Variants in CPNE4 observed in about 807,000 individuals in gnomAD.
CPNE4 encodes the protein copine-4.
Under a neutral mutation model 67.9 loss-of-function variants are expected in CPNE4, and 25 were observed. The observed-to-expected ratio is 0.37, with a 90% CI of 0.27 to 0.51. CPNE4 has a LOEUF of 0.51. Ranked by LOEUF, CPNE4 falls within the 20% of genes least tolerant of loss-of-function variation. The probability of loss-of-function intolerance (pLI) is 0.93; values close to 1 mark genes in which losing one functional copy is unlikely to be tolerated. For missense variants in CPNE4, 464 were observed against 690.8 expected (o/e 0.67, Z 3.68); for synonymous variants, 242 against 244.9 (o/e 0.99, Z 0.11).
At chr3:131,765,217 C>T (rs1435322177) in intron 2 of CPNE4, among the ~76,000 whole-genome samples, 1 of 152,098 alleles carries the variant, frequency 6.6e-6, no homozygotes, top group Non-Finnish European at 1.5e-5. Context: ...CTCTCTTCTT[C>T]CTGGGAACTG....
chr3:131,800,785 G>A (rs1213129826), intron 2 of CPNE4, among the ~76,000 whole-genome samples: 1 of 152,154 alleles, frequency 6.6e-6, no homozygotes, highest in Admixed American at 6.6e-5. Flanking sequence ...TACTCCTTGG[G>A]ACCTACTTTG....
rs78521487 is a variant in CPNE4, at chr3:131,720,642, G to A, written c.360+2804C>T. Among the ~76,000 whole-genome samples the A allele has an allele frequency of 3.9e-3, 596 of 152,278 alleles. 4 individuals carry two copies. Among genetic ancestry groups the A allele is most frequent in the African/African-American group, 0.014 (563 of 41,556 alleles). Reference sequence around the variant, plus strand: ...ATACACAAAGTGTATAAATGTCCCAGTTCCCTCATCCACAGGATGAAATAT... The same window carrying A: ...ATACACAAAGTGTATAAATGTCCCAATTCCCTCATCCACAGGATGAAATAT... On this transcript the variant is annotated intron_variant, in intron 3 of 15. Coordinates refer to ENST00000429747, the MANE Select transcript of CPNE4 (RefSeq NM_130808.3).
chr3:131,616,795 A>G (rs1940181402), intron 7 of CPNE4, among the ~76,000 whole-genome samples: 1 of 152,234 alleles, frequency 6.6e-6, no homozygotes. Context: ...GACAGAACAT[A>G]AAAGAAAAAG....
chr3:132,001,599 GAAA>G (rs1489892783), intron 1 of CPNE4, among the ~76,000 whole-genome samples: 12 of 149,468 alleles, frequency 8.0e-5, no homozygotes, highest in Non-Finnish European at 1.5e-4. Flanking sequence ...AAGAAAGAAA[GAAA>G]GAAAGAAAGA....
chr3:131,554,725 G>A (rs1024390748), intron 12 of CPNE4, among the ~76,000 whole-genome samples: 3 of 152,046 alleles, frequency 2.0e-5, no homozygotes, highest in Non-Finnish European at 4.4e-5. Context: ...GCCAGTAAAA[G>A]AGAAATTGAG....
intron 2 of CPNE4, 111 bp downstream of exon 2, chr3:131,905,153 T>C: frequency 2.2e-6 from 2 of 927,828 alleles, no homozygotes; most frequent in Non-Finnish European, 3.3e-6. Context: ...CATATTCACT[T>C]CTCAAATTTC....
chr3:131,917,103 A>T (rs1210038519), intron 1 of CPNE4, among the ~76,000 whole-genome samples: 1 of 152,224 alleles, frequency 6.6e-6, no homozygotes, highest in Non-Finnish European at 1.5e-5. Context: ...CAATGTCTGC[A>T]ATCCACATGC....
At chr3:131,817,816 G>A (rs1230950185) in intron 2 of CPNE4, among the ~76,000 whole-genome samples, 1 of 152,180 alleles carries the variant, frequency 6.6e-6, no homozygotes, top group Non-Finnish European at 1.5e-5. Context: ...ATACAGAAAA[G>A]TCTTGTCCTA....
intron 1 of CPNE4, among the ~76,000 whole-genome samples, chr3:131,932,060 A>T (rs930795149): frequency 6.6e-6 from 1 of 152,316 alleles, no homozygotes; most frequent in Middle Eastern, 3.4e-3. Flanking sequence ...GTCAGGGGAC[A>T]GGAAAATTCA....
intron 3 of CPNE4, among the ~76,000 whole-genome samples, chr3:131,700,864 A>G (rs1259700248): frequency 1.3e-5 from 2 of 151,990 alleles, no homozygotes; most frequent in African/African-American, 4.8e-5. Flanking sequence ...TCAATGATAG[A>G]CTGGATTAAG....
At chr3:131,547,374 C>T (rs548003944) in intron 14 of CPNE4, among the ~76,000 whole-genome samples, 2 of 136,090 alleles carry the variant, frequency 1.5e-5, no homozygotes, top group African/African-American at 5.4e-5. Context: ...AGGAATGCTT[C>T]AGCCCAAAAG....
At chr3:131,721,368 T>G (rs1218688197) in intron 3 of CPNE4, among the ~76,000 whole-genome samples, 1 of 150,470 alleles carries the variant, frequency 6.6e-6, no homozygotes, top group Non-Finnish European at 1.5e-5. Flanking sequence ...AAAAAGATCT[T>G]TAGTCCACAT....
chr3:131,717,874 T>TTTTCTTTC lies in CPNE4; in HGVS notation c.360+5564_360+5571dup, dbSNP rs71136405. Among the ~76,000 whole-genome samples, 399 of 96,926 alleles carry TTTTCTTTC rather than the reference T, an allele frequency of 4.1e-3. 1 individual carries two copies. Among genetic ancestry groups the TTTTCTTTC allele is most frequent in the East Asian group, 7.7e-3 (26 of 3,378 alleles). The allele number at this position is 96,926 out of a possible 152,430, so 63.6% of individuals were successfully genotyped here. A position where few individuals can be genotyped will look rare whatever the true frequency, so the allele number is the denominator to read the frequency against. ...CCTCGCTCCCTCCTTTCTTTCTTTC[T>TTTTCTTTC]TTTCTTTCTTTCTTTCTTTCTTTCT... On this transcript the variant is annotated intron_variant, in intron 3 of 15. Coordinates refer to ENST00000429747, the MANE Select transcript of CPNE4 (RefSeq NM_130808.3).
intron 2 of CPNE4, among the ~76,000 whole-genome samples, chr3:131,862,850 C>T (rs1258436814): frequency 1.3e-5 from 2 of 151,692 alleles, no homozygotes; most frequent in Non-Finnish European, 2.9e-5. Flanking sequence ...TAATGCTATC[C>T]CTCCCCCATC....
chr3:132,005,344 C>CATATATATATAT (rs1560773098), intron 1 of CPNE4, among the ~76,000 whole-genome samples: 2 of 13,060 alleles, frequency 1.5e-4, no homozygotes, highest in Non-Finnish European at 4.8e-4. Context: ...TATATATATA[C>CATATATATATAT]ACACACACAC....
rs576886430 is a variant in CPNE4, at chr3:131,709,418, C to T, written c.361-9438G>A. ...GAGATCCCAGCAGTTGCTAGAGTGC[C>T]GTATCTGGTGAACGTGGGGACCCAA... On this transcript the variant is annotated intron_variant, in intron 3 of 15. Transcript: ENST00000429747. Among the ~76,000 whole-genome samples, 31 of 152,208 alleles carry T rather than the reference C, an allele frequency of 2.0e-4. No individual in the cohort carries two copies. In the East Asian group the frequency reaches 4.8e-3, roughly 24 times the overall value.
chr3:131,582,700 G>A (rs1490276792), intron 8 of CPNE4, among the ~76,000 whole-genome samples: 1 of 152,174 alleles, frequency 6.6e-6, no homozygotes, highest in African/African-American at 2.4e-5. Flanking sequence ...GGCTTGAAAA[G>A]CGCCTGTGTA....
chr3:131,580,070 TAA>T (rs1235745721), intron 9 of CPNE4, among the ~76,000 whole-genome samples: 3 of 152,168 alleles, frequency 2.0e-5, no homozygotes, highest in Non-Finnish European at 4.4e-5. Context: ...GTCTTATTTT[TAA>T]AAGTTACCTC....
chr3:131,938,085 C>T (rs6804200), intron 1 of CPNE4, among the ~76,000 whole-genome samples: 26,682 of 151,958 alleles, frequency 0.18, 2,657 homozygotes, highest in East Asian at 0.31. Flanking sequence ...AGGTCAGGTG[C>T]GGTGGTTTAC....
Sources: gnomAD v4.1 joint callset for allele counts (sites outside exome capture counted in the v4.1 genomes callset) on GRCh38, gnomAD v4.1.1 for gene constraint, MANE v1.5 for transcripts, NCBI Gene and HGNC (gene_info 2026-07-23, HGNC 2026-07-21) for gene names.